Variants in DRC9 observed in about 807,000 individuals in gnomAD.
DRC9 encodes the protein dynein regulatory complex protein 9.
the DRC9 span, among the ~76,000 whole-genome samples, chr3:197,890,102 T>C: frequency 3.3e-5 from 5 of 152,110 alleles, no homozygotes; most frequent in African/African-American, 1.2e-4. Flanking sequence ...CGGCCAAAAA[T>C]GCACAGATAA....
chr3:197,951,552 C>T, the DRC9 span: 1 of 481,040 alleles, frequency 2.1e-6, no homozygotes. Flanking sequence ...AGGGTATTGC[C>T]ATGTTGGCCA....
chr3:197,938,775 GCTTTT>G, the DRC9 span: 1 of 1,605,866 alleles, frequency 6.2e-7, no homozygotes, highest in Non-Finnish European at 8.5e-7. Context: ...TCATTTCTCT[GCTTTT>G]CTTTTAAAAC....
At chr3:197,952,489 TTTTCTTTTTTTC>T in the DRC9 span, 2 of 152,010 alleles carry the variant, frequency 1.3e-5, no homozygotes, top group Admixed American at 6.6e-5. Context: ...CTTTTCTTTC[TTTTCTTTTTTTC>T]TTTCTTTTTT....
the DRC9 span, among the ~76,000 whole-genome samples, chr3:197,932,478 C>A: frequency 6.6e-6 from 1 of 151,468 alleles, no homozygotes; most frequent in Non-Finnish European, 1.5e-5. Context: ...ACTAAAAATA[C>A]AAAAAAATTA....
chr3:197,890,364 C>T, the DRC9 span, among the ~76,000 whole-genome samples: 1 of 150,668 alleles, frequency 6.6e-6, no homozygotes, highest in Non-Finnish European at 1.5e-5. Flanking sequence ...GAGATTGCGC[C>T]ACTGCACTCC....
the DRC9 span, chr3:197,954,500 A>C: frequency 2.9e-6 from 1 of 342,826 alleles, no homozygotes; most frequent in South Asian, 2.5e-5. Flanking sequence ...CACCCAGCTA[A>C]TTTTTGGGGT....
chr3:197,898,708 G>T, the DRC9 span, among the ~76,000 whole-genome samples: 1 of 152,186 alleles, frequency 6.6e-6, no homozygotes, highest in African/African-American at 2.4e-5. Context: ...AAAACCATCA[G>T]ATCTTGTGAG....
At chr3:197,889,475 A>G in the DRC9 span, 1 of 1,321,060 alleles carries the variant, frequency 7.6e-7, no homozygotes, top group Non-Finnish European at 1.1e-6. Flanking sequence ...CTCAATAGGA[A>G]ACAACCTGTA....
the DRC9 span, chr3:197,943,632 C>T: frequency 1.3e-6 from 1 of 757,290 alleles, no homozygotes. Flanking sequence ...GAGCGAGACC[C>T]TGTCAAAAAA....
chr3:197,931,772 C>T, the DRC9 span, among the ~76,000 whole-genome samples: 1 of 151,822 alleles, frequency 6.6e-6, no homozygotes, highest in Non-Finnish European at 1.5e-5. Flanking sequence ...CTACAGGCGC[C>T]CGCCACCACG....
At chr3:197,960,123 C>T in the DRC9 span, 1 of 978,412 alleles carries the variant, frequency 1.0e-6, no homozygotes, top group Non-Finnish European at 1.5e-6. Context: ...GCGGGTGACG[C>T]TGTCCAATCG....
At chr3:197,893,258 G>A in the DRC9 span, among the ~76,000 whole-genome samples, 1 of 149,946 alleles carries the variant, frequency 6.7e-6, no homozygotes, top group African/African-American at 2.5e-5. Context: ...TAGGGAGGCT[G>A]AGGCAGGAGA....
chr3:197,948,382 T>C, the DRC9 span, among the ~76,000 whole-genome samples: 1 of 152,206 alleles, frequency 6.6e-6, no homozygotes, highest in African/African-American at 2.4e-5. Flanking sequence ...GCCACTACTT[T>C]CCCGCAGAGC....
chr3:197,938,781 C>G, the DRC9 span: 1 of 1,599,690 alleles, frequency 6.3e-7, no homozygotes, highest in Non-Finnish European at 8.6e-7. Flanking sequence ...CTCTGCTTTT[C>G]TTTTAAAACA....
chr3:197,937,957 T>C, the DRC9 span, among the ~76,000 whole-genome samples: 1 of 150,962 alleles, frequency 6.6e-6, no homozygotes, highest in Non-Finnish European at 1.5e-5. Context: ...AATCTGCAGG[T>C]ATACAGCTGA....
the DRC9 span, among the ~76,000 whole-genome samples, chr3:197,953,082 A>C: frequency 6.6e-6 from 1 of 152,230 alleles, no homozygotes; most frequent in Non-Finnish European, 1.5e-5. Context: ...TACAGGCGTG[A>C]GCCATCGTGC....
the DRC9 span, chr3:197,951,673 TAAAC>T: frequency 3.3e-5 from 8 of 243,814 alleles, no homozygotes; most frequent in Middle Eastern, 1.6e-3. Flanking sequence ...ATTGAAATAA[TAAAC>T]AAAAGATTTA....
At chr3:197,949,981 C>A in the DRC9 span, 2 of 530,198 alleles carry the variant, frequency 3.8e-6, no homozygotes, top group Non-Finnish European at 5.8e-6. Flanking sequence ...TACCATTTTG[C>A]CTTCCCTTGT....
At chr3:197,943,792 G>A in the DRC9 span, 1 of 1,614,126 alleles carries the variant, frequency 6.2e-7, no homozygotes, top group East Asian at 2.2e-5. Flanking sequence ...CAGATGCTCT[G>A]TCTCCCTTCG....
Sources: gnomAD v4.1 joint callset for allele counts (sites outside exome capture counted in the v4.1 genomes callset) on GRCh38, gnomAD v4.1.1 for gene constraint, MANE v1.5 for transcripts, NCBI Gene and HGNC (gene_info 2026-07-23, HGNC 2026-07-21) for gene names.